Variants in SAMMSON observed in about 807,000 individuals in gnomAD.
SAMMSON encodes long intergenic non-protein coding RNA 1212.
chr3:70,018,057 T>C (rs991285723), intron 3 of SAMMSON, among the ~76,000 whole-genome samples: 1 of 152,150 alleles, frequency 6.6e-6, no homozygotes, highest in African/African-American at 2.4e-5. Flanking sequence ...TTTTTTGTTG[T>C]GTCTCTACCA....
intron 4 of SAMMSON, among the ~76,000 whole-genome samples, chr3:70,121,762 C>A (rs2067434488): frequency 6.6e-6 from 1 of 152,162 alleles, no homozygotes; most frequent in Non-Finnish European, 1.5e-5. Context: ...GTGAAGGAGA[C>A]AGGACAGTGA....
At chr3:70,231,935 C>T (rs984684233) in intron 4 of SAMMSON, among the ~76,000 whole-genome samples, 1 of 152,132 alleles carries the variant, frequency 6.6e-6, no homozygotes. Flanking sequence ...CACCAAATAA[C>T]AGTCGTGTAT....
Position 70,142,962 on chromosome 3 carries a change from G to C in SAMMSON, n.507+71397G>C, listed in dbSNP as rs114729290. Reference sequence around the variant, plus strand: ...AGCCCTTCATCTCATTAGAGGGATTGTGATCAAGTGATGATAAAAAAAGAC... The same window carrying C: ...AGCCCTTCATCTCATTAGAGGGATTCTGATCAAGTGATGATAAAAAAAGAC... On this transcript the variant is annotated intron_variant and non_coding_transcript_variant, in intron 4 of 9. Transcript: ENST00000642114. 6.4e-3 allele frequency among the ~76,000 whole-genome samples: 972 copies of C among 152,226 alleles called. 5 individuals carry two copies. The highest frequency in any genetic ancestry group is 0.02 in the African/African-American group (847 of 41,562).
At chr3:70,253,002 C>T (rs1457762128) in intron 6 of SAMMSON, among the ~76,000 whole-genome samples, 2 of 152,056 alleles carry the variant, frequency 1.3e-5, no homozygotes, top group Non-Finnish European at 2.9e-5. Context: ...ATCGCTTGAA[C>T]CCAGTAGGTG....
chr3:70,102,544 T>C (rs1006846541), intron 4 of SAMMSON, among the ~76,000 whole-genome samples: 1 of 152,160 alleles, frequency 6.6e-6, no homozygotes, highest in Non-Finnish European at 1.5e-5. Context: ...GCCACTTCTT[T>C]CCCAGATTTT....
chr3:70,319,621 A>G (rs1004233578), intron 7 of SAMMSON, among the ~76,000 whole-genome samples: 4 of 152,100 alleles, frequency 2.6e-5, no homozygotes, highest in Non-Finnish European at 5.9e-5. Flanking sequence ...TTTAAGTTTT[A>G]GAAGGATAGT....
chr3:70,096,151 G>C (rs1457580107), intron 4 of SAMMSON: 1 of 152,230 alleles, frequency 6.6e-6, no homozygotes, highest in Non-Finnish European at 1.5e-5. Context: ...ATTGAACTGA[G>C]AGCCTCAGTT....
At chr3:70,081,155 C>G (rs1215080736) in intron 4 of SAMMSON, among the ~76,000 whole-genome samples, 2 of 152,134 alleles carry the variant, frequency 1.3e-5, no homozygotes, top group African/African-American at 4.8e-5. Flanking sequence ...ACTCTGTCAC[C>G]CAGGCTGGAG....
chr3:70,255,573 C>T (rs569564761), intron 6 of SAMMSON, among the ~76,000 whole-genome samples: 11 of 152,304 alleles, frequency 7.2e-5, no homozygotes, highest in Admixed American at 3.3e-4. Context: ...CCTCAGTCCT[C>T]CTGCCTCCTA....
chr3:70,267,009 A>G (rs1701922322), intron 6 of SAMMSON, among the ~76,000 whole-genome samples: 1 of 152,150 alleles, frequency 6.6e-6, no homozygotes, highest in Non-Finnish European at 1.5e-5. Context: ...TTCCGGTCAT[A>G]GTTTTCTTAG....
At chr3:70,372,423 T>G (rs964080552) in intron 9 of SAMMSON, among the ~76,000 whole-genome samples, 2 of 152,140 alleles carry the variant, frequency 1.3e-5, no homozygotes, top group Non-Finnish European at 2.9e-5. Flanking sequence ...GTGATTCTGC[T>G]GCCTCGGCCT....
intron 7 of SAMMSON, among the ~76,000 whole-genome samples, chr3:70,348,291 C>T (rs1054900917): frequency 6.6e-6 from 1 of 152,102 alleles, no homozygotes; most frequent in Admixed American, 6.5e-5. Flanking sequence ...GAGGGAATAA[C>T]CAGGGCAAAG....
intron 9 of SAMMSON, among the ~76,000 whole-genome samples, chr3:70,372,105 T>C (rs1045454080): frequency 1.4e-4 from 21 of 152,166 alleles, no homozygotes; most frequent in African/African-American, 5.1e-4. Context: ...GAAATTTTTT[T>C]CTTCATTATA....
At chr3:70,267,911 G>A (rs6549316) in intron 6 of SAMMSON, among the ~76,000 whole-genome samples, 150,841 of 151,896 alleles carry the variant, frequency 0.99, 74,903 homozygotes, top group Non-Finnish European at 1. Context: ...CAAGGTCCCA[G>A]TTTCCTTTCC....
At chr3:70,156,472 T>G (rs145005712) in intron 4 of SAMMSON, among the ~76,000 whole-genome samples, 262 of 152,142 alleles carry the variant, frequency 1.7e-3, no homozygotes, top group African/African-American at 6.2e-3. Context: ...GGGATAACCA[T>G]GAAGTTTTAT....
chr3:70,318,505 C>T (rs1702511696), intron 7 of SAMMSON, among the ~76,000 whole-genome samples: 1 of 151,224 alleles, frequency 6.6e-6, no homozygotes. Flanking sequence ...GTTCTTACTT[C>T]TTAGATGATA....
At chr3:70,263,881 G>A (rs536384994) in intron 6 of SAMMSON, among the ~76,000 whole-genome samples, 7 of 152,144 alleles carry the variant, frequency 4.6e-5, no homozygotes, top group South Asian at 2.1e-4. Context: ...CCTTTCTCTC[G>A]GGGTTCACAG....
intron 7 of SAMMSON, chr3:70,302,511 A>G (rs1283325251): frequency 6.6e-6 from 1 of 152,176 alleles, no homozygotes; most frequent in Non-Finnish European, 1.5e-5. Context: ...TCACATCAAC[A>G]GCTGTTGTGA....
chr3:70,046,507 T>C (rs1012323251), intron 3 of SAMMSON, among the ~76,000 whole-genome samples: 68 of 152,274 alleles, frequency 4.5e-4, no homozygotes, highest in African/African-American at 1.5e-3. Flanking sequence ...ACATTATTCA[T>C]TTTATTCTTG....
Sources: allele counts gnomAD v4.1 joint callset (sites outside exome capture counted in the v4.1 genomes callset), GRCh38; gene constraint gnomAD v4.1.1; transcripts MANE v1.5; gene names NCBI Gene and HGNC (gene_info 2026-07-23, HGNC 2026-07-21).